ASTN2: variants seen among roughly 807,000 people sequenced by gnomAD.
The protein encoded by ASTN2 is astrotactin 2, also known as astrotactin-2.
A neutral mutation model predicts 139.8 loss-of-function variants in ASTN2; 54 were observed. That is an observed-to-expected ratio of 0.39 (90% CI 0.31 to 0.48). The LOEUF (loss-of-function observed/expected upper bound fraction) is 0.48. Among genes scored for constraint, ASTN2 ranks in the 20% least tolerant of loss-of-function variants. The pLI is 0.95. For synonymous variants in ASTN2, 756 were observed against 719.5 expected, an observed-to-expected ratio of 1.05 and a Z score of -0.81; for missense variants, 1,565 against 1,725.1, an observed-to-expected ratio of 0.91 and a Z score of 1.64.
chr9:116,811,128 C>T (rs1465635690), intron 12 of ASTN2, among the ~76,000 whole-genome samples: 1 of 151,964 alleles, frequency 6.6e-6, no homozygotes, highest in Non-Finnish European at 1.5e-5. Context: ...TGGTGAGCTC[C>T]CTTTTTTCTT....
intron 1 of ASTN2, among the ~76,000 whole-genome samples, chr9:117,303,703 A>T (rs1241535205): frequency 2.6e-5 from 4 of 152,174 alleles, no homozygotes; most frequent in Non-Finnish European, 5.9e-5. Flanking sequence ...CAGAACTCAG[A>T]TGTAAGTAGA....
At chr9:117,005,350 G>A (rs1837326212) in intron 7 of ASTN2, among the ~76,000 whole-genome samples, 1 of 151,906 alleles carries the variant, frequency 6.6e-6, no homozygotes, top group Middle Eastern at 3.4e-3. Context: ...GCCTCCCAAA[G>A]TGCTGGGATT....
chr9:116,873,634 A>G (rs1833221046), intron 10 of ASTN2, among the ~76,000 whole-genome samples: 1 of 152,132 alleles, frequency 6.6e-6, no homozygotes, highest in East Asian at 1.9e-4. Context: ...ATCCCTGTTG[A>G]TATGGTTTGG....
intron 10 of ASTN2, among the ~76,000 whole-genome samples, chr9:116,879,380 C>T (rs995366097): frequency 9.0e-5 from 11 of 122,820 alleles, no homozygotes; most frequent in African/African-American, 3.6e-4. Context: ...GACAGACAGA[C>T]AGACAGAGAA....
intron 19 of ASTN2, chr9:116,551,044 G>C (rs919681058): frequency 6.6e-6 from 1 of 152,154 alleles, no homozygotes; most frequent in Non-Finnish European, 1.5e-5. Context: ...GGAGACCCTT[G>C]GTGAAAACAA....
intron 10 of ASTN2, among the ~76,000 whole-genome samples, chr9:116,919,320 G>A (rs866780388): frequency 3.9e-5 from 6 of 152,248 alleles, no homozygotes; most frequent in East Asian, 1.9e-4. Context: ...ATTGTTGTGC[G>A]ACCTTGGCAA....
At chr9:117,093,804 A>T (rs1828766450) in intron 5 of ASTN2, among the ~76,000 whole-genome samples, 1 of 152,142 alleles carries the variant, frequency 6.6e-6, no homozygotes, top group South Asian at 2.1e-4. Flanking sequence ...ACAACCTAAC[A>T]ACATCAAACA....
At chr9:117,200,062 T>A (rs375391846) in intron 3 of ASTN2, among the ~76,000 whole-genome samples, 18 of 150,678 alleles carry the variant, frequency 1.2e-4, no homozygotes, top group African/African-American at 1.9e-4. Flanking sequence ...TTTTCTTTTT[T>A]TTATTATTAT....
In ASTN2 at chr9:116,998,549, T is replaced by TCATCCATCCATCCATCCATC. The variant is rs35712923; in HGVS notation, c.1591+9523_1591+9542dup. Among the ~76,000 whole-genome samples, 1,435 of 150,664 alleles carry TCATCCATCCATCCATCCATC rather than the reference T, an allele frequency of 9.5e-3. 37 individuals carry two copies. Among genetic ancestry groups the TCATCCATCCATCCATCCATC allele is most frequent in the African/African-American group, 0.032 (1,291 of 40,882 alleles). On this transcript the variant is annotated intron_variant, in intron 7 of 22. Coordinates refer to ENST00000313400, the MANE Select transcript of ASTN2 (RefSeq NM_001365068.1). ...CACTTTAGCAGCTGAAATTTGATTT[T>TCATCCATCCATCCATCCATC]CATCCATCCATCCATCCATCCATAC...
intron 3 of ASTN2, among the ~76,000 whole-genome samples, chr9:117,164,745 T>A (rs991406364): frequency 6.6e-6 from 1 of 152,052 alleles, no homozygotes; most frequent in Non-Finnish European, 1.5e-5. Flanking sequence ...TCCTGGCACA[T>A]GCCTGACCCC....
chr9:117,381,482 C>G (rs913748056), intron 1 of ASTN2, among the ~76,000 whole-genome samples: 2 of 152,086 alleles, frequency 1.3e-5, no homozygotes, highest in Non-Finnish European at 2.9e-5. Context: ...TGGTACCACC[C>G]TCAAGATAGT....
intron 17 of ASTN2, among the ~76,000 whole-genome samples, chr9:116,645,014 G>A (rs556615982): frequency 3.9e-5 from 6 of 152,166 alleles, no homozygotes; most frequent in African/African-American, 9.6e-5. Context: ...TAGTGTCTCC[G>A]TTTTCTAGTT....
At chr9:117,289,589 G>A (rs763147339) in intron 2 of ASTN2, among the ~76,000 whole-genome samples, 4 of 152,180 alleles carry the variant, frequency 2.6e-5, no homozygotes, top group African/African-American at 4.8e-5. Flanking sequence ...AATGTTTAAT[G>A]AACATTGGTC....
At position 116,839,145 on chromosome 9, in the gene ASTN2, ATTG is replaced by A. The variant is rs530080973; in HGVS notation, c.2041-18365_2041-18363del. ...AAATTATGGTAAATATTTTTTATTT[ATTG>A]TTATTATTTTTTACAGACAAGGTCT... On this transcript the variant is annotated intron_variant, in intron 11 of 22. Coordinates refer to ENST00000313400, the MANE Select transcript of ASTN2 (RefSeq NM_001365068.1). Among the ~76,000 whole-genome samples the A allele has an allele frequency of 3.0e-3, 453 of 152,034 alleles. 3 individuals are homozygous for A. Among genetic ancestry groups the A allele is most frequent in the Non-Finnish European group, 5.4e-3 (369 of 67,974 alleles).
At chr9:116,889,137 G>C (rs1462122447) in intron 10 of ASTN2, among the ~76,000 whole-genome samples, 1 of 152,072 alleles carries the variant, frequency 6.6e-6, no homozygotes, top group Non-Finnish European at 1.5e-5. Context: ...ACCAGACTTG[G>C]CCTCCCAAAG....
intron 4 of ASTN2, among the ~76,000 whole-genome samples, chr9:117,109,357 A>AAT (rs201829882): frequency 0.039 from 4,127 of 105,288 alleles, 125 homozygotes; most frequent in Admixed American, 0.075. Context: ...TAAATAAATA[A>AAT]AAATAAATAA....
intron 13 of ASTN2, among the ~76,000 whole-genome samples, chr9:116,751,239 G>A (rs897979884): frequency 3.3e-5 from 5 of 152,202 alleles, no homozygotes; most frequent in Admixed American, 6.5e-5. Context: ...TAGATAGCCT[G>A]TGTGCTTCAT....
At chr9:116,496,867 T>C (rs1849684797) in intron 19 of ASTN2, among the ~76,000 whole-genome samples, 1 of 152,256 alleles carries the variant, frequency 6.6e-6, no homozygotes, top group Non-Finnish European at 1.5e-5. Context: ...CTGAGAATTA[T>C]TCACTATCAT....
chr9:117,296,953 T>C (rs1834751768), intron 1 of ASTN2, among the ~76,000 whole-genome samples: 1 of 152,202 alleles, frequency 6.6e-6, no homozygotes, highest in Non-Finnish European at 1.5e-5. Flanking sequence ...CCTGCCTCGG[T>C]GGCCACTGAT....
Sources: allele counts gnomAD v4.1 joint callset (sites outside exome capture counted in the v4.1 genomes callset), GRCh38; gene constraint gnomAD v4.1.1; transcripts MANE v1.5; gene names NCBI Gene and HGNC (gene_info 2026-07-23, HGNC 2026-07-21).